FOXO1: variants seen among roughly 807,000 people sequenced by gnomAD.
FOXO1 encodes forkhead box protein O1.
A neutral mutation model predicts 44.1 loss-of-function variants in FOXO1; 6 were observed. The observed-to-expected ratio is 0.14, with a 90% CI of 0.07 to 0.27. FOXO1 has a LOEUF of 0.27. Among genes scored for constraint, FOXO1 ranks in the 10% least tolerant of loss-of-function variants. The pLI is 1.00. For synonymous variants in FOXO1, 380 were observed against 362.7 expected (o/e 1.05, Z -0.54); for missense variants, 737 against 888.8 (o/e 0.83, Z 2.17).
At chr13:40,594,780 A>C (rs1875515792) in intron 1 of FOXO1, among the ~76,000 whole-genome samples, 1 of 152,120 alleles carries the variant, frequency 6.6e-6, no homozygotes, top group African/African-American at 2.4e-5. Flanking sequence ...TCCAACTCCT[A>C]GGCTCAAGCT....
At chr13:40,658,571 A>G (rs1294722377) in intron 1 of FOXO1, among the ~76,000 whole-genome samples, 1 of 152,186 alleles carries the variant, frequency 6.6e-6, no homozygotes, top group East Asian at 1.9e-4. Context: ...TACCAGAGAA[A>G]AAGTCCACAA....
intron 1 of FOXO1, among the ~76,000 whole-genome samples, chr13:40,657,449 C>G (rs1877895306): frequency 6.6e-6 from 1 of 152,056 alleles, no homozygotes; most frequent in African/African-American, 2.4e-5. Context: ...TCTCCTGCCT[C>G]AGCCTCACAA....
rs549138344 is a variant in FOXO1, at chr13:40,589,830, C to T, written c.631-28970G>A. On this transcript the variant is annotated intron_variant, in intron 1 of 2. Coordinates refer to ENST00000379561, the MANE Select transcript of FOXO1 (RefSeq NM_002015.4). Reference sequence around the variant, plus strand: ...TCAGCTGTCCTGGACTGTCCTGAGTCAAGACAGGAAGAGCTGTCAGACTTC... The same window carrying T: ...TCAGCTGTCCTGGACTGTCCTGAGTTAAGACAGGAAGAGCTGTCAGACTTC... Among the ~76,000 whole-genome samples, 12 of 152,230 alleles carry T rather than the reference C, an allele frequency of 7.9e-5. No homozygotes were observed. In the South Asian group the frequency reaches 2.1e-3, roughly 26 times the overall value.
chr13:40,593,591 T>G (rs1374300609), intron 1 of FOXO1, among the ~76,000 whole-genome samples: 2 of 152,214 alleles, frequency 1.3e-5, no homozygotes, highest in East Asian at 3.8e-4. Flanking sequence ...TACATATTAC[T>G]TACTTAATAC....
chr13:40,606,062 C>A (rs909852504), intron 1 of FOXO1, among the ~76,000 whole-genome samples: 1 of 152,004 alleles, frequency 6.6e-6, no homozygotes, highest in African/African-American at 2.4e-5. Flanking sequence ...TGTAGAATAA[C>A]AATTTTTCCA....
intron 1 of FOXO1, among the ~76,000 whole-genome samples, chr13:40,638,299 C>T (rs1243924133): frequency 6.6e-6 from 1 of 152,046 alleles, no homozygotes; most frequent in Non-Finnish European, 1.5e-5. Flanking sequence ...CTGGCATCAC[C>T]ATCATCACCA....
At chr13:40,642,694 A>G (rs4943800) in intron 1 of FOXO1, among the ~76,000 whole-genome samples, 62,875 of 151,926 alleles carry the variant, frequency 0.41, 14,252 homozygotes, top group East Asian at 0.73. Context: ...CAAGGCAGGT[A>G]GATTGCCTGA....
chr13:40,568,392 C>CT (rs1874352154), intron 1 of FOXO1, among the ~76,000 whole-genome samples: 1 of 152,184 alleles, frequency 6.6e-6, no homozygotes, highest in Admixed American at 6.5e-5. Context: ...TCCTTCCTCT[C>CT]TTTTACACCA....
chr13:40,642,684 C>G (rs958662545), intron 1 of FOXO1, among the ~76,000 whole-genome samples: 2 of 152,074 alleles, frequency 1.3e-5, no homozygotes, highest in African/African-American at 4.8e-5. Context: ...TCTGGAAGGC[C>G]AAGGCAGGTA....
intron 1 of FOXO1, among the ~76,000 whole-genome samples, chr13:40,564,984 G>GACATGGTGTAGTCGGGGAACCCCA (rs1446811521): frequency 1.3e-4 from 20 of 151,830 alleles, no homozygotes; most frequent in Admixed American, 5.2e-4. Flanking sequence ...GGGGAACCCC[G>GACATGGTGTAGTCGGGGAACCCCA]ACATGGTGTA....
At position 40,557,425 on chromosome 13, in the gene FOXO1, A is replaced by G. The variant is rs1360341630; in HGVS notation, c.*1624T>C. 3 of 152,242 alleles carry G rather than the reference A, an allele frequency of 2.0e-5. No homozygotes were observed. The highest frequency in any genetic ancestry group is 2.9e-5 in the Non-Finnish European group (2 of 68,030). 9.4% of individuals were successfully genotyped at this position (152,242 alleles called of 1,614,324 possible). On this transcript the variant is annotated 3_prime_UTR_variant, in exon 3 of 3. Coordinates refer to ENST00000379561, the MANE Select transcript of FOXO1 (RefSeq NM_002015.4). Reference sequence around the variant, plus strand: ...AAAGAAATTTTCAAATTCTTAAGCCAAGGCTTTTAACATAATCTCAATGCA... The same window carrying G: ...AAAGAAATTTTCAAATTCTTAAGCCGAGGCTTTTAACATAATCTCAATGCA...
intron 1 of FOXO1, among the ~76,000 whole-genome samples, chr13:40,623,275 T>C (rs914162487): frequency 2.1e-4 from 32 of 152,324 alleles, no homozygotes; most frequent in African/African-American, 6.5e-4. Context: ...GCTTTTTTTT[T>C]CCAAAAGTGA....
At chr13:40,592,772 A>G (rs1875431572) in intron 1 of FOXO1, among the ~76,000 whole-genome samples, 1 of 152,130 alleles carries the variant, frequency 6.6e-6, no homozygotes, top group Admixed American at 6.5e-5. Flanking sequence ...CCTATTTTCC[A>G]ATCCTTTACA....
intron 1 of FOXO1, among the ~76,000 whole-genome samples, chr13:40,659,555 T>C (rs1342749275): frequency 1.3e-5 from 2 of 151,834 alleles, no homozygotes; most frequent in African/African-American, 4.8e-5. Context: ...AAGGTAAAAA[T>C]TCACTAAATT....
At chr13:40,578,635 A>G (rs1167723338) in intron 1 of FOXO1, among the ~76,000 whole-genome samples, 1 of 152,212 alleles carries the variant, frequency 6.6e-6, no homozygotes, top group African/African-American at 2.4e-5. Context: ...ACTATGGCCT[A>G]CTAAAGCATT....
chr13:40,597,219 A>G (rs760700589), intron 1 of FOXO1, among the ~76,000 whole-genome samples: 1 of 152,174 alleles, frequency 6.6e-6, no homozygotes, highest in Non-Finnish European at 1.5e-5. Context: ...TCAATCAATC[A>G]CCACCATAAC....
At chr13:40,563,408 C>T (rs1349034538) in intron 1 of FOXO1, among the ~76,000 whole-genome samples, 2 of 152,204 alleles carry the variant, frequency 1.3e-5, no homozygotes, top group African/African-American at 2.4e-5. Context: ...CATTTCAAAA[C>T]GCCCTCTGAC....
chr13:40,592,570 C>T (rs988976796), intron 1 of FOXO1, among the ~76,000 whole-genome samples: 10 of 152,210 alleles, frequency 6.6e-5, no homozygotes, highest in Non-Finnish European at 1.5e-4. Flanking sequence ...TCTCCTGCCT[C>T]TTGGAGGAAC....
chr13:40,591,998 C>G (rs1875392768), intron 1 of FOXO1, among the ~76,000 whole-genome samples: 1 of 152,158 alleles, frequency 6.6e-6, no homozygotes, highest in Non-Finnish European at 1.5e-5. Flanking sequence ...TGAGCCACCG[C>G]ACTCAGCCCT....
Sources: allele counts gnomAD v4.1 joint callset (sites outside exome capture counted in the v4.1 genomes callset), GRCh38; gene constraint gnomAD v4.1.1; transcripts MANE v1.5; gene names NCBI Gene and HGNC (gene_info 2026-07-23, HGNC 2026-07-21).